NRF1: variants seen among roughly 807,000 people sequenced by gnomAD.
NRF1 encodes alpha palindromic-binding protein.
NRF1 carries 5 observed loss-of-function variants against 58.5 expected under a neutral mutation model. That is an observed-to-expected ratio of 0.09 (90% CI 0.04 to 0.18). The LOEUF (loss-of-function observed/expected upper bound fraction) is 0.18. Ranked by LOEUF, NRF1 falls within the 10% of genes least tolerant of loss-of-function variation. The pLI, the probability that NRF1 is intolerant of heterozygous loss-of-function variation, is 1.00. For synonymous variants in NRF1, 224 were observed against 246.7 expected, an observed-to-expected ratio of 0.91 and a Z score of 0.86; for missense variants, 288 against 657.7, an observed-to-expected ratio of 0.44 and a Z score of 6.15.
At chr7:129,731,492 C>T (rs551962813) in intron 10 of NRF1, among the ~76,000 whole-genome samples, 10 of 152,272 alleles carry the variant, frequency 6.6e-5, no homozygotes, top group Non-Finnish European at 1.3e-4. Flanking sequence ...TCTTTGGTCT[C>T]TTAGGATGGA....
intron 10 of NRF1, among the ~76,000 whole-genome samples, chr7:129,744,858 G>A (rs1053520798): frequency 1.9e-4 from 29 of 152,188 alleles, no homozygotes; most frequent in African/African-American, 6.0e-4. Flanking sequence ...GAAAAGTCAC[G>A]AGTACATCTT....
chr7:129,622,513 C>T (rs1370659129), intron 1 of NRF1, among the ~76,000 whole-genome samples: 3 of 151,420 alleles, frequency 2.0e-5, no homozygotes, highest in African/African-American at 7.3e-5. Context: ...AAAGATAATT[C>T]TACAATGCAA....
rs1461354193 is a variant in NRF1, at chr7:129,681,517, C to CA, written c.465+3765dup. Among the ~76,000 whole-genome samples, 10 of 152,040 alleles carry CA rather than the reference C, an allele frequency of 6.6e-5. No individual in the cohort carries two copies. In the East Asian group the frequency reaches 1.6e-3, roughly 24 times the overall value. On this transcript the variant is annotated intron_variant, in intron 4 of 10. Coordinates refer to ENST00000393232, the MANE Select transcript of NRF1 (RefSeq NM_005011.5). ...ATCAGACAAAGCCTAATTGTCAAGG[C>CA]AAAAAAGTATTAACTGGCAACCAGG...
intron 3 of NRF1, among the ~76,000 whole-genome samples, chr7:129,673,948 TG>T (rs1802116386): frequency 6.6e-6 from 1 of 152,016 alleles, no homozygotes; most frequent in South Asian, 2.1e-4. Context: ...GAGACCAGCT[TG>T]GCCACCATGG....
chr7:129,630,855 T>A (rs1801033170), intron 1 of NRF1, among the ~76,000 whole-genome samples: 1 of 152,200 alleles, frequency 6.6e-6, no homozygotes, highest in Admixed American at 6.5e-5. Context: ...AATAAAAAGA[T>A]TGATCAGTTC....
chr7:129,646,659 TG>T (rs1801411627), intron 1 of NRF1, among the ~76,000 whole-genome samples: 1 of 152,180 alleles, frequency 6.6e-6, no homozygotes, highest in Non-Finnish European at 1.5e-5. Context: ...GCTGGAGCAA[TG>T]CTGATATTAT....
intron 10 of NRF1, among the ~76,000 whole-genome samples, chr7:129,751,101 G>A (rs562182286): frequency 3.3e-5 from 5 of 152,318 alleles, no homozygotes; most frequent in Admixed American, 6.5e-5. Context: ...GAGGAGCATC[G>A]GAGAAGAGGA....
chr7:129,630,049 G>A (rs938569066), intron 1 of NRF1: 2 of 152,198 alleles, frequency 1.3e-5, no homozygotes, highest in African/African-American at 2.4e-5. Context: ...TTTGAGGGTC[G>A]AACTAATCAT....
At chr7:129,688,934 TG>T in intron 4 of NRF1, among the ~76,000 whole-genome samples, 1 of 1,216 alleles carries the variant, frequency 8.2e-4, no homozygotes, top group South Asian at 0.014. Flanking sequence ...GATTCATTTG[TG>T]TGTGTGTGTG....
chr7:129,626,329 T>C (rs1387500222), intron 1 of NRF1, among the ~76,000 whole-genome samples: 9 of 152,126 alleles, frequency 5.9e-5, no homozygotes, highest in Non-Finnish European at 1.0e-4. Context: ...GTCCGATAAG[T>C]ACAGGCTGCA....
intron 1 of NRF1, among the ~76,000 whole-genome samples, chr7:129,646,966 ACATTATG>A (rs1397848857): frequency 1.3e-5 from 2 of 152,210 alleles, no homozygotes; most frequent in African/African-American, 2.4e-5. Context: ...ATCAAAGAGC[ACATTATG>A]ATAGATCTAT....
Position 129,660,308 on chromosome 7 carries a change from T to C in NRF1, c.223+2734T>C, listed in dbSNP as rs183818469. Among the ~76,000 whole-genome samples the C allele has an allele frequency of 1.0e-3, 150 of 149,032 alleles. 12 individuals carry two copies. The highest frequency in any genetic ancestry group is 3.8e-3 in the African/African-American group (148 of 38,532). On this transcript the variant is annotated intron_variant, in intron 2 of 10. Coordinates refer to ENST00000393232, the MANE Select transcript of NRF1 (RefSeq NM_005011.5). Reference sequence around the variant, plus strand: ...TTCCACCCCTGGCCCCTCCCAAATTTCATGTCCTCACATTTCAAAACCAAT... The same window carrying C: ...TTCCACCCCTGGCCCCTCCCAAATTCCATGTCCTCACATTTCAAAACCAAT...
intron 2 of NRF1, among the ~76,000 whole-genome samples, chr7:129,663,262 G>T (rs10260496): frequency 1.3e-5 from 2 of 152,118 alleles, no homozygotes; most frequent in Non-Finnish European, 2.9e-5. Context: ...CTCGATGGTC[G>T]CTGTCTCTTC....
chr7:129,750,012 C>A (rs1804075272), intron 10 of NRF1, among the ~76,000 whole-genome samples: 1 of 152,048 alleles, frequency 6.6e-6, no homozygotes, highest in Non-Finnish European at 1.5e-5. Flanking sequence ...AGGGAAGGAG[C>A]CCTGCCCTGT....
At chr7:129,630,739 G>A (rs575084220) in intron 1 of NRF1, among the ~76,000 whole-genome samples, 13 of 152,230 alleles carry the variant, frequency 8.5e-5, no homozygotes, top group African/African-American at 3.1e-4. Context: ...ACTACACTGG[G>A]TAAATTGTCA....
chr7:129,633,723 C>T (rs1357855345), intron 1 of NRF1: 1 of 151,986 alleles, frequency 6.6e-6, no homozygotes. Flanking sequence ...CTTTTCCCAC[C>T]ACTGCTCACC....
At chr7:129,616,975 T>C (rs1324196064) in intron 1 of NRF1, among the ~76,000 whole-genome samples, 1 of 152,240 alleles carries the variant, frequency 6.6e-6, no homozygotes, top group Non-Finnish European at 1.5e-5. Context: ...TTGTAAGAGC[T>C]ACTTTTGTAT....
intron 9 of NRF1, among the ~76,000 whole-genome samples, chr7:129,723,047 G>A (rs1033503866): frequency 3.3e-5 from 5 of 152,100 alleles, no homozygotes; most frequent in South Asian, 2.1e-4. Flanking sequence ...AGGTCACAGC[G>A]TAAATATTTG....
intron 4 of NRF1, among the ~76,000 whole-genome samples, chr7:129,689,805 G>T (rs554156193): frequency 1.3e-5 from 2 of 152,274 alleles, no homozygotes; most frequent in South Asian, 2.1e-4. Context: ...TGACCTATGG[G>T]GCTCCCTTTG....
Sources: gnomAD v4.1 joint callset for allele counts (sites outside exome capture counted in the v4.1 genomes callset) on GRCh38, gnomAD v4.1.1 for gene constraint, MANE v1.5 for transcripts, NCBI Gene and HGNC (gene_info 2026-07-23, HGNC 2026-07-21) for gene names.